The following FRK variants were observed in gnomAD, a reference collection of about 807,000 sequenced individuals.
FRK encodes tyrosine-protein kinase FRK.
FRK carries 51 observed loss-of-function variants against 56.4 expected under a neutral mutation model. That is an observed-to-expected ratio of 0.90 (90% CI 0.72 to 1.14). The LOEUF is 1.14. Ranked by LOEUF, FRK falls within the 50% of genes most tolerant of loss-of-function variation. FRK has a pLI of 0.00. For missense variants in FRK, 570 were observed against 601.4 expected, an observed-to-expected ratio of 0.95 and a Z score of 0.55; for synonymous variants, 245 against 217.9, an observed-to-expected ratio of 1.12 and a Z score of -1.10.
At position 115,942,267 on chromosome 6, in the gene FRK, C is replaced by A; in HGVS notation, c.*147G>T. The stretch of plus-strand genomic sequence containing the variant: ...CCAGTCAATAAAATGCACAAATAAT[C>A]TTTTTCATAATACATGGCCAACTTT... On this transcript the variant is annotated 3_prime_UTR_variant, in exon 8 of 8. Coordinates refer to ENST00000606080, the MANE Select transcript of FRK (RefSeq NM_002031.3). 3 of 663,138 alleles carry A rather than the reference C, an allele frequency of 4.5e-6. No individual in the cohort carries two copies. The highest frequency in any genetic ancestry group is 1.9e-5 in the South Asian group (1 of 52,480). The allele number at this position is 663,138 out of a possible 1,614,324, so 41.1% of individuals were successfully genotyped here. A position where few individuals can be genotyped will look rare whatever the true frequency, so the allele number is the denominator to read the frequency against.
intron 1 of FRK, among the ~76,000 whole-genome samples, chr6:116,056,646 T>C (rs1195203525): frequency 6.6e-6 from 1 of 152,198 alleles, no homozygotes; most frequent in Non-Finnish European, 1.5e-5. Flanking sequence ...CACATCATTA[T>C]TTTTATGTGA....
intron 2 of FRK, among the ~76,000 whole-genome samples, chr6:115,973,721 A>C (rs1185784032): frequency 1.3e-5 from 2 of 152,086 alleles, no homozygotes; most frequent in Non-Finnish European, 2.9e-5. Context: ...AATAGAAAAA[A>C]TTAGCCGGGT....
At chr6:116,012,618 T>C (rs563095976) in intron 1 of FRK, among the ~76,000 whole-genome samples, 21 of 152,224 alleles carry the variant, frequency 1.4e-4, no homozygotes, top group Non-Finnish European at 2.9e-4. Context: ...TGTGGAGCTG[T>C]TAAATAAATA....
At chr6:116,005,799 T>C (rs1775227048) in intron 1 of FRK, among the ~76,000 whole-genome samples, 1 of 152,124 alleles carries the variant, frequency 6.6e-6, no homozygotes, top group South Asian at 2.1e-4. Flanking sequence ...AAATTAGTGA[T>C]GAAAGAATGG....
At chr6:115,976,184 T>G (rs1040518917) in intron 2 of FRK, among the ~76,000 whole-genome samples, 1 of 152,108 alleles carries the variant, frequency 6.6e-6, no homozygotes, top group Non-Finnish European at 1.5e-5. Flanking sequence ...TCATAAAACT[T>G]CAGTAATTTT....
chr6:115,940,387 C>T lies in FRK; in HGVS notation c.*2027G>A, dbSNP rs1772134550. The T allele has an allele frequency of 6.6e-6, 1 of 152,176 alleles. No homozygotes were observed. The highest frequency in any genetic ancestry group is 1.5e-5 in the Non-Finnish European group (1 of 68,032). 9.4% of individuals were successfully genotyped at this position (152,176 alleles called of 1,614,324 possible). A position where few individuals can be genotyped will look rare whatever the true frequency, so the allele number is the denominator to read the frequency against. ...AAACCATAAAAACCCTAGAAGAAAA[C>T]CTAGGCAACACCATTCAGGACATAG... is the stretch of plus-strand genomic sequence containing the variant. On this transcript the variant is annotated 3_prime_UTR_variant, in exon 8 of 8. Coordinates refer to ENST00000606080, the MANE Select transcript of FRK (RefSeq NM_002031.3).
At position 115,956,456 on chromosome 6, in the gene FRK, G is replaced by T; in HGVS notation, c.954C>A (p.Leu318=). The T allele has an allele frequency of 2.0e-6, 3 of 1,521,344 alleles. No individual in the cohort carries two copies. The highest frequency in any genetic ancestry group is 2.6e-6 in the Non-Finnish European group (3 of 1,132,282). 94.2% of individuals were successfully genotyped at this position (1,521,344 alleles called of 1,614,324 possible). A position where few individuals can be genotyped will look rare whatever the true frequency, so the allele number is the denominator to read the frequency against. ...LMRHGSLQEY[L]QNDTGSKIHL... is the part of the protein sequence containing the mutation. ...TGTATTAAGTCTTTAGCTTACTTTGGAGATATTCTTGCAGACTTCCATGTC... is the reference window on the plus strand; with the variant it reads ...TGTATTAAGTCTTTAGCTTACTTTGTAGATATTCTTGCAGACTTCCATGTC... The change falls in exon 5 of 8, where the codon CTC becomes CTA. Residue 318 remains leucine, a synonymous_variant. Transcript: ENST00000606080.
chr6:116,094,834 T>C, the FRK span, among the ~76,000 whole-genome samples: 1 of 147,526 alleles, frequency 6.8e-6, no homozygotes. Flanking sequence ...AGACAGAAAG[T>C]CAAAGAGAGG....
At chr6:115,967,502 G>C in intron 4 of FRK, 49 bp downstream of exon 4, 1 of 1,558,088 alleles carries the variant, frequency 6.4e-7, no homozygotes, top group Non-Finnish European at 8.8e-7. Flanking sequence ...GTGTTAAATT[G>C]AGCTCATAAA....
At chr6:116,023,077 A>T (rs544225965) in intron 1 of FRK, among the ~76,000 whole-genome samples, 167 of 152,342 alleles carry the variant, frequency 1.1e-3, no homozygotes, top group Non-Finnish European at 2.1e-3. Flanking sequence ...TTAGTCATCA[A>T]GGAAATGCAA....
In FRK at chr6:115,941,990, A is replaced by G. The variant is rs1772205632; in HGVS notation, c.*424T>C. On this transcript the variant is annotated 3_prime_UTR_variant, in exon 8 of 8. Coordinates refer to ENST00000606080, the MANE Select transcript of FRK (RefSeq NM_002031.3). ...TGCAGCAAAGCAATCAAATTCCTTC[A>G]TAATAACAGCCTGATGGGATTCAGC... The G allele has an allele frequency of 6.1e-6, 1 of 164,484 alleles. No individual in the cohort carries two copies. The highest frequency in any genetic ancestry group is 1.3e-5 in the Non-Finnish European group (1 of 75,486). The allele number at this position is 164,484 out of a possible 1,614,324, so 10.2% of individuals were successfully genotyped here. A position where few individuals can be genotyped will look rare whatever the true frequency, so the allele number is the denominator to read the frequency against.
In FRK at chr6:115,941,479, A is replaced by G. The variant is rs1458913590; in HGVS notation, c.*935T>C. 1 of 152,184 alleles carries G rather than the reference A, an allele frequency of 6.6e-6. No individual in the cohort carries two copies. The highest frequency in any genetic ancestry group is 6.5e-5 in the Admixed American group (1 of 15,268). The allele number at this position is 152,184 out of a possible 1,614,324, so 9.4% of individuals were successfully genotyped here. A position where few individuals can be genotyped will look rare whatever the true frequency, so the allele number is the denominator to read the frequency against. On this transcript the variant is annotated 3_prime_UTR_variant, in exon 8 of 8. Coordinates refer to ENST00000606080, the MANE Select transcript of FRK (RefSeq NM_002031.3). ...GCACATTCTGCACATGCACCCCAGA[A>G]CTTAAACTATAATAAAAAGTAAAAA...
chr6:116,053,789 T>C (rs1455387713), intron 1 of FRK, among the ~76,000 whole-genome samples: 1 of 152,052 alleles, frequency 6.6e-6, no homozygotes, highest in Non-Finnish European at 1.5e-5. Flanking sequence ...CATATTGCAA[T>C]TGGAAATTTT....
At chr6:116,088,334 A>T in the FRK span, among the ~76,000 whole-genome samples, 1 of 152,190 alleles carries the variant, frequency 6.6e-6, no homozygotes, top group Admixed American at 6.5e-5. Context: ...AATAAAAAAA[A>T]CAGACATGAG....
At chr6:116,007,790 A>G (rs112506399) in intron 1 of FRK, among the ~76,000 whole-genome samples, 38 of 152,302 alleles carry the variant, frequency 2.5e-4, no homozygotes, top group African/African-American at 9.1e-4. Flanking sequence ...TCAACCATCC[A>G]GGCAATTTAA....
intron 2 of FRK, among the ~76,000 whole-genome samples, chr6:115,999,518 C>A (rs1203559996): frequency 6.6e-6 from 1 of 152,260 alleles, no homozygotes; most frequent in South Asian, 2.1e-4. Flanking sequence ...AAATCATGCA[C>A]CCTCATGAAG....
chr6:115,961,882 G>A (rs1251574723), intron 4 of FRK, among the ~76,000 whole-genome samples: 1 of 20,348 alleles, frequency 4.9e-5, no homozygotes, highest in Non-Finnish European at 1.0e-4. Flanking sequence ...CCCTAAAAGA[G>A]CTCCTGAAGG....
the FRK span, among the ~76,000 whole-genome samples, chr6:116,094,772 A>T: frequency 6.6e-6 from 1 of 152,206 alleles, no homozygotes; most frequent in African/African-American, 2.4e-5. Context: ...TCAGAGAAAG[A>T]GAAGAAGAGA....
intron 1 of FRK, among the ~76,000 whole-genome samples, chr6:116,004,695 AAG>A (rs1308316940): frequency 6.6e-6 from 1 of 152,210 alleles, no homozygotes; most frequent in Non-Finnish European, 1.5e-5. Context: ...CCAGAAATAT[AAG>A]AGTCAGATAC....
Sources: gnomAD v4.1 joint callset for allele counts (sites outside exome capture counted in the v4.1 genomes callset) on GRCh38, gnomAD v4.1.1 for gene constraint, MANE v1.5 for transcripts, NCBI Gene and HGNC (gene_info 2026-07-23, HGNC 2026-07-21) for gene names.